MED27: variants seen among roughly 807,000 people sequenced by gnomAD.
The protein encoded by MED27 is mediator complex subunit 27.
A neutral mutation model predicts 38.2 loss-of-function variants in MED27; 30 were observed. The ratio of observed to expected loss-of-function variants is 0.79; its 90% CI spans 0.59 to 1.07. The LOEUF (loss-of-function observed/expected upper bound fraction) is 1.07. Among genes scored for constraint, MED27 ranks in the 50% least tolerant of loss-of-function variants. The probability of loss-of-function intolerance (pLI) is 0.00; values close to 1 mark genes in which losing one functional copy is unlikely to be tolerated. For missense variants in MED27, 289 were observed against 397.5 expected (o/e 0.73, Z 2.32); for synonymous variants, 122 against 153.5 (o/e 0.79, Z 1.52).
chr9:132,077,666 T>C, intron 1 of MED27, 80 bp from the exon 2 acceptor site: 1 of 1,456,516 alleles, frequency 6.9e-7, no homozygotes, highest in Non-Finnish European at 9.3e-7. Context: ...GATCAAAGAC[T>C]GCTCTTCAAA....
intron 2 of MED27, among the ~76,000 whole-genome samples, chr9:132,015,196 A>T (rs1832575985): frequency 6.6e-6 from 1 of 152,262 alleles, no homozygotes; most frequent in Non-Finnish European, 1.5e-5. Flanking sequence ...TTATGAATAT[A>T]TCTTACAACA....
At chr9:131,891,327 C>T (rs1371471140) in intron 5 of MED27, among the ~76,000 whole-genome samples, 1 of 152,196 alleles carries the variant, frequency 6.6e-6, no homozygotes, top group Non-Finnish European at 1.5e-5. Context: ...GAAAGGAAGG[C>T]AGAGGCTGCG....
intron 4 of MED27, among the ~76,000 whole-genome samples, chr9:131,911,445 G>A (rs1301189873): frequency 1.3e-5 from 2 of 152,198 alleles, no homozygotes; most frequent in Non-Finnish European, 2.9e-5. Context: ...CCCCTTACAT[G>A]TGTCAGCTGT....
intron 4 of MED27, among the ~76,000 whole-genome samples, chr9:131,934,481 G>C (rs376896014): frequency 2.6e-5 from 4 of 152,114 alleles, no homozygotes; most frequent in African/African-American, 9.6e-5. Flanking sequence ...CAAAAGATCC[G>C]AATAGATATT....
At chr9:131,871,466 G>C (rs141875335) in intron 6 of MED27, among the ~76,000 whole-genome samples, 1 of 152,274 alleles carries the variant, frequency 6.6e-6, no homozygotes, top group African/African-American at 2.4e-5. Context: ...AGGGCCTGTT[G>C]GGCTCCTTGA....
rs1444356401 is a variant in MED27, at chr9:131,860,717, T to C, written c.802-45A>G. The C allele has an allele frequency of 6.2e-7, 1 of 1,600,556 alleles. No individual in the cohort carries two copies. Among genetic ancestry groups the C allele is most frequent in the Admixed American group, 1.7e-5 (1 of 58,592 alleles). On this transcript the variant is annotated intron_variant, in intron 7 of 7. Transcript: ENST00000292035. This position sits in a 1 kb window ranked among gnomAD's most constrained non-coding sequence, Gnocchi z 5.8. ...GAGAAGTGAAAGAATGGGATACGGG[T>C]GCTCCCAAAGTCCTCCTTCCTATCA...
At chr9:131,949,283 C>T (rs1464707103) in intron 3 of MED27, among the ~76,000 whole-genome samples, 6 of 152,246 alleles carry the variant, frequency 3.9e-5, no homozygotes, top group Non-Finnish European at 5.9e-5. Context: ...GGGAGGATGG[C>T]GGGGCCCGAG....
chr9:131,860,452 G>C lies in MED27; in HGVS notation c.*86C>G, dbSNP rs1838632514. ...AGGAGCAGCTGTACACATCTGGGCA[G>C]TGAGGAACCAGCTGAGCCTTCTGTG... is the stretch of plus-strand genomic sequence containing the variant. On this transcript the variant is annotated 3_prime_UTR_variant, in exon 8 of 8. Transcript: ENST00000292035. The surrounding 1 kb of genome is among the most constrained non-coding windows in gnomAD (Gnocchi z 5.8). 1 of 1,413,092 alleles carries C rather than the reference G, an allele frequency of 7.1e-7. No homozygotes were observed. Among genetic ancestry groups the C allele is most frequent in the Non-Finnish European group, 9.4e-7 (1 of 1,065,902 alleles). The allele number at this position is 1,413,092 out of a possible 1,614,324, so 87.5% of individuals were successfully genotyped here. A position where few individuals can be genotyped will look rare whatever the true frequency, so the allele number is the denominator to read the frequency against.
At chr9:132,017,979 C>CAGGGT (rs1310082551) in intron 2 of MED27, among the ~76,000 whole-genome samples, 1 of 152,190 alleles carries the variant, frequency 6.6e-6, no homozygotes, top group African/African-American at 2.4e-5. Context: ...AGTTGTCAGG[C>CAGGGT]AGGGTCCTGA....
chr9:132,050,259 G>A (rs1163132793), intron 2 of MED27, among the ~76,000 whole-genome samples: 1 of 152,158 alleles, frequency 6.6e-6, no homozygotes, highest in Non-Finnish European at 1.5e-5. Flanking sequence ...GTGAACAAAA[G>A]GGAAATCTGA....
intron 4 of MED27, among the ~76,000 whole-genome samples, chr9:131,938,777 G>T (rs1261378946): frequency 6.6e-6 from 1 of 151,144 alleles, no homozygotes; most frequent in Non-Finnish European, 1.5e-5. Flanking sequence ...GCAGTGGAGT[G>T]ATCTCGGCTC....
chr9:131,974,473 T>C (rs117127807), intron 3 of MED27, among the ~76,000 whole-genome samples: 1,691 of 152,312 alleles, frequency 0.011, 14 homozygotes, highest in Non-Finnish European at 0.017. Context: ...ACACTGGGGA[T>C]GTGTGATTAT....
chr9:131,894,369 T>C lies in MED27; in HGVS notation c.574-377A>G, dbSNP rs1261201868. Among the ~76,000 whole-genome samples the C allele has an allele frequency of 3.9e-5, 6 of 152,054 alleles. No homozygotes were observed. In the East Asian group the frequency reaches 9.6e-4, roughly 24 times the overall value. On this transcript the variant is annotated intron_variant, in intron 4 of 7. Coordinates refer to ENST00000292035, the MANE Select transcript of MED27 (RefSeq NM_004269.4). ...GCAATTATAGGATTTAGTGAGCACG[T>C]TGTTTCGTGCTCATGGCCCTATGTA...
At chr9:132,024,382 C>T (rs1165864787) in intron 2 of MED27, among the ~76,000 whole-genome samples, 1 of 152,150 alleles carries the variant, frequency 6.6e-6, no homozygotes, top group African/African-American at 2.4e-5. Flanking sequence ...AAGCCTTAAG[C>T]ACAGTGTCCA....
intron 4 of MED27, among the ~76,000 whole-genome samples, chr9:131,896,459 T>C (rs865843831): frequency 1.3e-5 from 2 of 152,230 alleles, no homozygotes; most frequent in Non-Finnish European, 2.9e-5. Context: ...AAATACATAC[T>C]AATAACACCA....
At chr9:131,995,146 G>C (rs989567486) in intron 3 of MED27, among the ~76,000 whole-genome samples, 1 of 152,090 alleles carries the variant, frequency 6.6e-6, no homozygotes, top group African/African-American at 2.4e-5. Context: ...GGAAAGTCAG[G>C]ACAAGAAAGT....
intron 2 of MED27, among the ~76,000 whole-genome samples, chr9:132,026,824 T>A (rs1450830928): frequency 6.6e-6 from 1 of 152,250 alleles, no homozygotes; most frequent in Non-Finnish European, 1.5e-5. Context: ...GGACTCACTA[T>A]GAACCAGGTG....
intron 4 of MED27, among the ~76,000 whole-genome samples, chr9:131,909,158 T>C (rs1267395103): frequency 3.3e-5 from 5 of 152,248 alleles, no homozygotes; most frequent in African/African-American, 1.2e-4. Flanking sequence ...GAGCACCAGG[T>C]AATGACTTTG....
At position 131,893,996 on chromosome 9, in the gene MED27, C is replaced by A; in HGVS notation, c.574-4G>T. ...TCAACACCTTTCCCAAGGTCACCTG[C>A]CAAAACACATGTAAGCTGACACTTG... On this transcript the variant is annotated splice_polypyrimidine_tract_variant and splice_region_variant and intron_variant, in intron 4 of 7. Transcript: ENST00000292035. The A allele has an allele frequency of 6.2e-7, 1 of 1,612,500 alleles. No individual in the cohort carries two copies. Among genetic ancestry groups the A allele is most frequent in the South Asian group, 1.1e-5 (1 of 91,036 alleles).
Sources: gnomAD v4.1 joint callset for allele counts (sites outside exome capture counted in the v4.1 genomes callset) on GRCh38, gnomAD v4.1.1 for gene constraint, Gnocchi (gnomAD v3.1) non-coding constraint, MANE v1.5 for transcripts, NCBI Gene and HGNC (gene_info 2026-07-23, HGNC 2026-07-21) for gene names.